The following CACNG4 variants were observed in gnomAD, a reference collection of about 807,000 sequenced individuals.
CACNG4 encodes the protein voltage-dependent calcium channel gamma-4 subunit.
In CACNG4, 8 loss-of-function variants were observed where a neutral mutation model predicts 22.9. The ratio of observed to expected loss-of-function variants is 0.35; its 90% CI spans 0.21 to 0.63. The LOEUF (loss-of-function observed/expected upper bound fraction) is 0.63. Ranked by LOEUF, CACNG4 falls within the 30% of genes least tolerant of loss-of-function variation. The pLI is 0.72. For synonymous variants in CACNG4, 188 were observed against 191.9 expected, an observed-to-expected ratio of 0.98 and a Z score of 0.17; for missense variants, 357 against 455.4, an observed-to-expected ratio of 0.78 and a Z score of 1.97.
At position 67,030,019 on chromosome 17, in the gene CACNG4, T is replaced by G. The variant is rs889375063; in HGVS notation, c.446-447T>G. On this transcript the variant is annotated intron_variant, in intron 3 of 3. Transcript: ENST00000262138. The surrounding 1 kb of genome is among the most constrained non-coding windows in gnomAD (Gnocchi z 6.4). ...GGCCTGGTTAGGTGGGTCGTGAGAC[T>G]TCTGTATGGCGGTGCCGCACGTAGT... 6.6e-6 allele frequency among the ~76,000 whole-genome samples: 1 copy of G among 152,228 alleles called. No homozygotes were observed. The highest frequency in any genetic ancestry group is 1.5e-5 in the Non-Finnish European group (1 of 68,038).
chr17:66,990,694 T>C (rs1011987042), intron 1 of CACNG4, among the ~76,000 whole-genome samples: 7 of 151,958 alleles, frequency 4.6e-5, no homozygotes, highest in African/African-American at 9.7e-5. Flanking sequence ...TATTTATTTA[T>C]TTTTGAGACG....
At chr17:66,988,152 C>T (rs1168524654) in intron 1 of CACNG4, among the ~76,000 whole-genome samples, 3 of 151,982 alleles carry the variant, frequency 2.0e-5, no homozygotes, top group Non-Finnish European at 2.9e-5. Context: ...CATGAATCCC[C>T]GTGTACTGCA....
At position 67,024,953 on chromosome 17, in the gene CACNG4, G is replaced by T. The variant is rs576033468; in HGVS notation, c.398G>T (p.Arg133Leu). The T allele has an allele frequency of 3.1e-6, 5 of 1,606,264 alleles. No homozygotes were observed. The highest frequency in any genetic ancestry group is 1.7e-5 in the Admixed American group (1 of 59,228). The part of the protein sequence containing the change: ...LCIGAGRIYS[R>L]KNNIVLSAGI... ...ATCGGTGCTGGCAGGATCTACAGCC[G>T]CAAGAACAACATCGTCCTCAGTGCC... The change falls in exon 3 of 4, where the codon CGC (arginine) becomes CTC (leucine). Residue 133 changes from arginine to leucine, a missense_variant. Physicochemically the swap from Arg to Leu is moderately radical, Grantham distance 102. Coordinates refer to ENST00000262138, the MANE Select transcript of CACNG4 (RefSeq NM_014405.4).
intron 3 of CACNG4, among the ~76,000 whole-genome samples, chr17:67,026,743 T>TTG (rs112103783): frequency 6.7e-6 from 1 of 148,404 alleles, no homozygotes; most frequent in Non-Finnish European, 1.5e-5. Flanking sequence ...TGTGGTGTGT[T>TTG]TGTGTGTGTG....
intron 1 of CACNG4, among the ~76,000 whole-genome samples, chr17:66,987,893 G>A (rs2035313785): frequency 1.3e-5 from 2 of 152,058 alleles, no homozygotes; most frequent in Admixed American, 6.6e-5. Context: ...CTTACTGTTG[G>A]TCTCTGTGTG....
At chr17:66,989,661 T>C (rs1363653785) in intron 1 of CACNG4, among the ~76,000 whole-genome samples, 1 of 151,606 alleles carries the variant, frequency 6.6e-6, no homozygotes, top group Non-Finnish European at 1.5e-5. Context: ...TTAACCACGC[T>C]TCCGAAGTGT....
Position 67,030,320 on chromosome 17 carries a change from A to AAC in CACNG4, c.446-145_446-144insCA. On this transcript the variant is annotated intron_variant, in intron 3 of 3. Transcript: ENST00000262138. The surrounding 1 kb of genome is among the most constrained non-coding windows in gnomAD (Gnocchi z 6.4). ...TTACCCATTCAACATTAATTACTGAAAAGAAAAATTAGCAACCAGAATAAA... is the reference window on the plus strand; with the variant it reads ...TTACCCATTCAACATTAATTACTGAAACAAGAAAAATTAGCAACCAGAATAAA... 1 of 724,492 alleles carries AAC rather than the reference A, an allele frequency of 1.4e-6. No individual in the cohort carries two copies. The highest frequency in any genetic ancestry group is 2.4e-6 in the Non-Finnish European group (1 of 423,378). 44.9% of individuals were successfully genotyped at this position (724,492 alleles called of 1,614,324 possible).
Position 67,031,162 on chromosome 17 carries a change from T to A in CACNG4, c.*158T>A. The A allele has an allele frequency of 2.6e-6, 2 of 774,156 alleles. No homozygotes were observed. Among genetic ancestry groups the A allele is most frequent in the Admixed American group, 2.6e-5 (1 of 38,966 alleles). The allele number at this position is 774,156 out of a possible 1,614,324, so 48.0% of individuals were successfully genotyped here. A position where few individuals can be genotyped will look rare whatever the true frequency, so the allele number is the denominator to read the frequency against. On this transcript the variant is annotated 3_prime_UTR_variant, in exon 4 of 4. Transcript: ENST00000262138. The surrounding 1 kb of genome is among the most constrained non-coding windows in gnomAD (Gnocchi z 4.0). ...GGCGTGGGCTGGCTTTGCACGAAGG[T>A]TGTGCTGGGAGACCGGACCCGGGGC...
chr17:67,017,567 G>A (rs190488277), intron 1 of CACNG4, among the ~76,000 whole-genome samples: 4,749 of 139,800 alleles, frequency 0.034, 242 homozygotes, highest in African/African-American at 0.12. Flanking sequence ...CGCCAGGCTG[G>A]AGTGCAGTGG....
intron 1 of CACNG4, among the ~76,000 whole-genome samples, chr17:66,979,039 C>G (rs946231335): frequency 2.6e-5 from 4 of 151,380 alleles, no homozygotes; most frequent in African/African-American, 4.9e-5. Context: ...ACCCCCTTCC[C>G]TCACCCTGGT....
chr17:66,980,309 T>G (rs2035263967), intron 1 of CACNG4, among the ~76,000 whole-genome samples: 1 of 152,150 alleles, frequency 6.6e-6, no homozygotes, highest in African/African-American at 2.4e-5. Context: ...GAGAAGGAAA[T>G]AAAACCCAGA....
chr17:66,998,711 C>T (rs1181541904), intron 1 of CACNG4, among the ~76,000 whole-genome samples: 1 of 152,218 alleles, frequency 6.6e-6, no homozygotes, highest in African/African-American at 2.4e-5. Context: ...CGCTCTGGGG[C>T]TGCCCATTCA....
chr17:67,026,897 C>A (rs1173785125), intron 3 of CACNG4, among the ~76,000 whole-genome samples: 2 of 151,662 alleles, frequency 1.3e-5, no homozygotes, highest in African/African-American at 4.9e-5. Flanking sequence ...CTTCCCCCCA[C>A]CTCCTTTCTC....
chr17:67,006,973 G>A (rs1165163285), intron 1 of CACNG4, among the ~76,000 whole-genome samples: 4 of 152,058 alleles, frequency 2.6e-5, no homozygotes, highest in South Asian at 4.2e-4. Context: ...TCAGGAGTTC[G>A]AGACCAGCCT....
At chr17:67,023,181 T>A (rs1448784682) in intron 2 of CACNG4, among the ~76,000 whole-genome samples, 1 of 151,874 alleles carries the variant, frequency 6.6e-6, no homozygotes. Flanking sequence ...CTTATAAGGA[T>A]GCTCGTCGTT....
In CACNG4 at chr17:66,986,761, G is replaced by A. The variant is rs1053056246; in HGVS notation, c.220+21630G>A. ...TTGTAGAAGCATCACCTTCGTCTCC[G>A]CCTTCTCTTCACATGGCGTTTTCCC... On this transcript the variant is annotated intron_variant, in intron 1 of 3. Transcript: ENST00000262138. 5.9e-5 allele frequency among the ~76,000 whole-genome samples: 9 copies of A among 152,098 alleles called. No individual in the cohort carries two copies. The South Asian group carries it at 8.3e-4, about 14-fold the overall frequency.
At chr17:66,988,757 G>A (rs1033843214) in intron 1 of CACNG4, among the ~76,000 whole-genome samples, 2 of 152,064 alleles carry the variant, frequency 1.3e-5, no homozygotes, top group African/African-American at 4.8e-5. Context: ...TCTTACGTAA[G>A]GCGTTGAAAA....
intron 1 of CACNG4, among the ~76,000 whole-genome samples, chr17:66,995,678 C>G (rs986929018): frequency 6.6e-6 from 1 of 152,088 alleles, no homozygotes; most frequent in African/African-American, 2.4e-5. Flanking sequence ...GGTGAAACCC[C>G]GTCTCTACTA....
At chr17:67,021,290 G>GC (rs71139106) in intron 2 of CACNG4, among the ~76,000 whole-genome samples, 152,318 of 152,318 alleles carry the variant, frequency 1, 76,159 homozygotes, top group Non-Finnish European at 1. Flanking sequence ...ACAGGGCTCT[G>GC]CCTCCGGGTG....
Sources: gnomAD v4.1 joint callset for allele counts (sites outside exome capture counted in the v4.1 genomes callset) on GRCh38, gnomAD v4.1.1 for gene constraint, Gnocchi (gnomAD v3.1) non-coding constraint, MANE v1.5 for transcripts, NCBI Gene and HGNC (gene_info 2026-07-23, HGNC 2026-07-21) for gene names.